Variants in LEKR1 observed in about 807,000 individuals in gnomAD.
The protein encoded by LEKR1 is leucine, glutamate and lysine rich 1.
Under a neutral mutation model 72.4 loss-of-function variants are expected in LEKR1, and 59 were observed. That is an observed-to-expected ratio of 0.82 (90% CI 0.66 to 1.01). LEKR1 has a LOEUF of 1.01. LEKR1 is among the 50% of genes least tolerant of loss of function. The pLI, the probability that LEKR1 is intolerant of heterozygous loss-of-function variation, is 0.00. For synonymous variants in LEKR1, 257 were observed against 263.2 expected, an observed-to-expected ratio of 0.98 and a Z score of 0.23; for missense variants, 728 against 759.2, an observed-to-expected ratio of 0.96 and a Z score of 0.48.
chr3:156,941,067 G>T (rs570425474), intron 5 of LEKR1, among the ~76,000 whole-genome samples: 5 of 151,966 alleles, frequency 3.3e-5, no homozygotes, highest in African/African-American at 9.6e-5. Flanking sequence ...TTTATGTACT[G>T]TGTGTTAGTA....
At chr3:156,932,366 T>C (rs192446241) in intron 5 of LEKR1, among the ~76,000 whole-genome samples, 18 of 152,336 alleles carry the variant, frequency 1.2e-4, no homozygotes, top group African/African-American at 4.3e-4. Context: ...AAATTTGAAA[T>C]TTAACTTTAA....
chr3:156,913,515 C>A (rs1405966201), intron 3 of LEKR1, among the ~76,000 whole-genome samples: 1 of 152,034 alleles, frequency 6.6e-6, no homozygotes, highest in East Asian at 1.9e-4. Context: ...CCCACCTGAC[C>A]TGCTCAAAAC....
intron 5 of LEKR1, among the ~76,000 whole-genome samples, chr3:156,938,218 C>A (rs1725891483): frequency 6.6e-6 from 1 of 152,058 alleles, no homozygotes; most frequent in Admixed American, 6.6e-5. Context: ...TTTACCAATG[C>A]AATTTTCTAG....
chr3:156,971,731 C>T (rs1428279467), intron 6 of LEKR1, among the ~76,000 whole-genome samples: 4 of 151,790 alleles, frequency 2.6e-5, no homozygotes, highest in Admixed American at 6.6e-5. Context: ...CCAAAAGACA[C>T]GTGAAAAAAT....
chr3:156,992,943 T>C, intron 8 of LEKR1, 131 bp from the exon 9 acceptor site: 3 of 541,638 alleles, frequency 5.5e-6, no homozygotes, highest in Non-Finnish European at 9.2e-6. Flanking sequence ...CCATTCTTTT[T>C]TTAAAATTTT....
At chr3:156,942,844 TA>T in intron 6 of LEKR1, 130 bp downstream of exon 6, 1 of 364,234 alleles carries the variant, frequency 2.7e-6, no homozygotes, top group Non-Finnish European at 4.9e-6. Context: ...GCCTAATTAT[TA>T]GTATCACTAT....
intron 3 of LEKR1, among the ~76,000 whole-genome samples, chr3:156,900,556 A>T (rs992030119): frequency 6.6e-6 from 1 of 152,208 alleles, no homozygotes; most frequent in Non-Finnish European, 1.5e-5. Context: ...GATCTAAAAA[A>T]AAATCACTTT....
chr3:156,883,570 A>G (rs534848413), intron 3 of LEKR1, among the ~76,000 whole-genome samples: 10 of 152,214 alleles, frequency 6.6e-5, no homozygotes, highest in Non-Finnish European at 1.5e-4. Flanking sequence ...TGTGGGAGGG[A>G]CTTGGTGGGA....
chr3:156,916,720 C>G (rs1723687859), intron 3 of LEKR1, among the ~76,000 whole-genome samples: 1 of 152,106 alleles, frequency 6.6e-6, no homozygotes. Context: ...GTTTGACTTC[C>G]TCTCTTCCTA....
At chr3:156,874,751 A>T (rs1205128722) in intron 3 of LEKR1, among the ~76,000 whole-genome samples, 1 of 152,116 alleles carries the variant, frequency 6.6e-6, no homozygotes, top group Admixed American at 6.5e-5. Flanking sequence ...GTATCATCAT[A>T]GCTTAACTCC....
At chr3:156,970,333 A>G (rs1431875319) in intron 6 of LEKR1, among the ~76,000 whole-genome samples, 1 of 152,122 alleles carries the variant, frequency 6.6e-6, no homozygotes, top group African/African-American at 2.4e-5. Flanking sequence ...CTTTAGTTTA[A>G]TTAGATCCCA....
chr3:157,043,845 T>C (rs1735552457), intron 12 of LEKR1, among the ~76,000 whole-genome samples: 2 of 152,232 alleles, frequency 1.3e-5, no homozygotes, highest in East Asian at 1.9e-4. Context: ...GATTAACCCA[T>C]GATTTTTTTA....
At chr3:156,968,993 T>C (rs996847393) in intron 6 of LEKR1, among the ~76,000 whole-genome samples, 8 of 152,132 alleles carry the variant, frequency 5.3e-5, no homozygotes, top group Non-Finnish European at 1.2e-4. Flanking sequence ...TGCTCAACTA[T>C]ATGGAAACTG....
At chr3:156,948,369 A>C (rs1433036053) in intron 6 of LEKR1, among the ~76,000 whole-genome samples, 1 of 151,086 alleles carries the variant, frequency 6.6e-6, no homozygotes, top group African/African-American at 2.4e-5. Flanking sequence ...CACCTCACAA[A>C]ATTCTCATAT....
At chr3:156,962,134 C>T (rs1314738190) in intron 6 of LEKR1, among the ~76,000 whole-genome samples, 9 of 152,106 alleles carry the variant, frequency 5.9e-5, no homozygotes, top group Admixed American at 4.6e-4. Flanking sequence ...AGGAGTCATC[C>T]GTCTGTATGG....
chr3:156,860,621 G>A (rs1422755614), intron 3 of LEKR1, among the ~76,000 whole-genome samples: 1 of 152,166 alleles, frequency 6.6e-6, no homozygotes, highest in East Asian at 1.9e-4. Flanking sequence ...AAGTGTACCT[G>A]GCTGGAGTAG....
chr3:157,000,898 A>G (rs566528409), intron 9 of LEKR1, among the ~76,000 whole-genome samples: 31 of 152,254 alleles, frequency 2.0e-4, no homozygotes, highest in African/African-American at 6.7e-4. Flanking sequence ...AGTTTCCCCA[A>G]TGCTGTTCTT....
intron 2 of LEKR1, among the ~76,000 whole-genome samples, chr3:156,840,313 C>T (rs1183066539): frequency 6.6e-6 from 1 of 152,154 alleles, no homozygotes; most frequent in Non-Finnish European, 1.5e-5. Context: ...TATATCAACT[C>T]ATTTAATCTA....
chr3:157,025,064 T>C (rs1734091986), intron 11 of LEKR1, 140 bp downstream of exon 11: 2 of 557,488 alleles, frequency 3.6e-6, no homozygotes, highest in Non-Finnish European at 6.3e-6. Context: ...GCTATGCAGG[T>C]AAGACGGTTT....
Sources: gnomAD v4.1 joint callset for allele counts (sites outside exome capture counted in the v4.1 genomes callset) on GRCh38, gnomAD v4.1.1 for gene constraint, MANE v1.5 for transcripts, NCBI Gene and HGNC (gene_info 2026-07-23, HGNC 2026-07-21) for gene names.